VWA7: variants seen among roughly 807,000 people sequenced by gnomAD.
VWA7 encodes von Willebrand factor A domain-containing protein 7.
A neutral mutation model predicts 83.1 loss-of-function variants in VWA7; 66 were observed. The observed-to-expected ratio is 0.79, with a 90% CI of 0.65 to 0.98. The LOEUF is 0.98. Ranked by LOEUF, VWA7 falls within the 50% of genes least tolerant of loss-of-function variation. The pLI is 0.00. For missense variants in VWA7, 1,080 were observed against 1,160.2 expected, an observed-to-expected ratio of 0.93 and a Z score of 1.00; for synonymous variants, 424 against 488.5, an observed-to-expected ratio of 0.87 and a Z score of 1.74.
rs1292696246 is a variant in VWA7 at position 31,776,328 on chromosome 6, G to T, written c.235-86C>A. ...CTTATCTCAGCAACTGACACTCAAG[G>T]CTGGGTATGAGGGTCCTGAGCCCCA... On this transcript the variant is annotated intron_variant, in intron 2 of 16. Transcript: ENST00000375688. The surrounding 1 kb of genome is among the most constrained non-coding windows in gnomAD (Gnocchi z 6.2). 2.0e-5 allele frequency: 31 copies of T among 1,532,744 alleles called. No individual in the cohort carries two copies. The highest frequency in any genetic ancestry group is 2.6e-5 in the Non-Finnish European group (29 of 1,135,780). 94.9% of individuals were successfully genotyped at this position (1,532,744 alleles called of 1,614,324 possible). A position where few individuals can be genotyped will look rare whatever the true frequency, so the allele number is the denominator to read the frequency against.
intron 7 of VWA7, among the ~76,000 whole-genome samples, chr6:31,771,990 C>CAAAAAAAAAAAAAAAAAAAAAAAAAAA (rs34193146): frequency 9.5e-5 from 4 of 41,936 alleles, no homozygotes; most frequent in Non-Finnish European, 2.1e-4. Flanking sequence ...GACTCCGTCT[C>CAAAAAAAAAAAAAAAAAAAAAAAAAAA]AAAAAAAAAA....
In VWA7 at chr6:31,767,300, G is replaced by A. The variant is rs746219640; in HGVS notation, c.1790-50C>T. On this transcript the variant is annotated intron_variant, in intron 12 of 16. Transcript: ENST00000375688. The stretch of plus-strand genomic sequence containing the variant: ...AGCCCTTCCTGAAAGGAATGTGACT[G>A]ATCGTGTTCTCTGAGGCCTGCAGTC... 2.5e-6 allele frequency: 4 copies of A among 1,612,668 alleles called. No homozygotes were observed. The Admixed American group carries it at 5.0e-5, about 20-fold the overall frequency.
At chr6:31,774,316 A>G (rs1314617164) in intron 5 of VWA7, among the ~76,000 whole-genome samples, 200 bp downstream of exon 5, 2 of 152,066 alleles carry the variant, frequency 1.3e-5, no homozygotes, top group African/African-American at 4.8e-5. Flanking sequence ...GAGAAATCCT[A>G]TCAGCGGAGG....
At position 31,766,032 on chromosome 6, in the gene VWA7, C is replaced by T. The variant is rs1261244265; in HGVS notation, c.2350G>A (p.Ala784Thr). ...SRAHLELNES[A>T]WGRLWLEVPD... Reference sequence around the variant, plus strand: ...ACCTCCAGCCACAGGCGGCCCCAGGCCGACTCATTCAGTTCCAGGTGAGCC... The same window carrying T: ...ACCTCCAGCCACAGGCGGCCCCAGGTCGACTCATTCAGTTCCAGGTGAGCC... Residue 784 changes from alanine (A) to threonine (T), a missense_variant, in exon 16 of 17, where the codon GCC becomes ACC. Coordinates refer to ENST00000375688, the MANE Select transcript of VWA7 (RefSeq NM_025258.3). The surrounding 1 kb of genome is among the most constrained non-coding windows in gnomAD (Gnocchi z 4.9). 1 of 1,613,042 alleles carries T rather than the reference C, an allele frequency of 6.2e-7. No individual in the cohort carries two copies. Among genetic ancestry groups the T allele is most frequent in the South Asian group, 1.1e-5 (1 of 91,088 alleles).
chr6:31,769,873 A>G lies in VWA7; in HGVS notation c.1201-82T>C. 1.3e-6 allele frequency: 2 copies of G among 1,503,734 alleles called. No homozygotes were observed. Among genetic ancestry groups the G allele is most frequent in the Non-Finnish European group, 1.8e-6 (2 of 1,082,258 alleles). The allele number at this position is 1,503,734 out of a possible 1,614,324, so 93.1% of individuals were successfully genotyped here. On this transcript the variant is annotated intron_variant, in intron 8 of 16. Coordinates refer to ENST00000375688, the MANE Select transcript of VWA7 (RefSeq NM_025258.3). The surrounding 1 kb of genome is among the most constrained non-coding windows in gnomAD (Gnocchi z 4.5). ...AGCCACGGAGGATGAAGCAGAAGGG[A>G]ATATGGCCCGGGAACCCTACAGTGA...
In VWA7 at chr6:31,769,353, T is replaced by A; in HGVS notation, c.1318-150A>T. On this transcript the variant is annotated intron_variant, in intron 9 of 16. Transcript: ENST00000375688. The surrounding 1 kb of genome is among the most constrained non-coding windows in gnomAD (Gnocchi z 4.5). ...TGGCTGCTGGGGTGGGGAATCCCAA[T>A]GACAGAACCCCCTGCCTTCAGTTAG... The A allele has an allele frequency of 2.0e-6, 2 of 1,004,984 alleles. No individual in the cohort carries two copies. Among genetic ancestry groups the A allele is most frequent in the Non-Finnish European group, 2.8e-6 (2 of 702,762 alleles). 62.3% of individuals were successfully genotyped at this position (1,004,984 alleles called of 1,614,324 possible).
Position 31,776,728 on chromosome 6 carries a change from G to T in VWA7, c.52C>A (p.Leu18Met). Residue 18 changes from leucine (L) to methionine (M), a missense_variant, in exon 2 of 17, where the codon CTG becomes ATG. Leu to Met is a conservative substitution (Grantham distance 15). Transcript: ENST00000375688. The surrounding 1 kb of genome is among the most constrained non-coding windows in gnomAD (Gnocchi z 6.2). ...GTGGGGGGCAGCAACAGCTGCAGCAGAAGCAACGCTGAGGGGCCCGGGTGG... is the reference window on the plus strand; with the variant it reads ...GTGGGGGGCAGCAACAGCTGCAGCATAAGCAACGCTGAGGGGCCCGGGTGG... Reference protein sequence around the residue: ...QSHPGPSALLLLQLLLPPTSA... With the variant: ...QSHPGPSALLMLQLLLPPTSA... The T allele has an allele frequency of 6.7e-7, 1 of 1,484,006 alleles. No individual in the cohort carries two copies. Among genetic ancestry groups the T allele is most frequent in the South Asian group, 1.3e-5 (1 of 75,076 alleles). 91.9% of individuals were successfully genotyped at this position (1,484,006 alleles called of 1,614,324 possible).
chr6:31,777,324 T>G lies in VWA7; in HGVS notation c.-231A>C. On this transcript the variant is annotated 5_prime_UTR_variant, in exon 1 of 17. Transcript: ENST00000375688. This position sits in a 1 kb window ranked among gnomAD's most constrained non-coding sequence, Gnocchi z 5.8. ...GCCTCCCTTGGCTGCAGTGCGGAGGTGAGTGAGAGCTGGGGAGGAGGAAGG... is the reference window on the plus strand; with the variant it reads ...GCCTCCCTTGGCTGCAGTGCGGAGGGGAGTGAGAGCTGGGGAGGAGGAAGG... The G allele has an allele frequency of 1.8e-6, 1 of 550,874 alleles. No individual in the cohort carries two copies. Among genetic ancestry groups the G allele is most frequent in the Non-Finnish European group, 3.2e-6 (1 of 309,316 alleles). 34.1% of individuals were successfully genotyped at this position (550,874 alleles called of 1,614,324 possible).
At chr6:31,767,110 A>G in intron 13 of VWA7, 48 bp downstream of exon 13, 1 of 451,584 alleles carries the variant, frequency 2.2e-6, no homozygotes, top group Non-Finnish European at 3.9e-6. Context: ...TTATATATAT[A>G]TATAAAACTG....
intron 7 of VWA7, among the ~76,000 whole-genome samples, 167 bp downstream of exon 7, chr6:31,772,787 C>T (rs1422419611): frequency 6.6e-6 from 1 of 151,274 alleles, no homozygotes; most frequent in Non-Finnish European, 1.5e-5. Context: ...TTAGTAGAGA[C>T]GGGGTTTCTC....
chr6:31,774,154 C>G (rs1434022576), intron 5 of VWA7, among the ~76,000 whole-genome samples: 2 of 61,858 alleles, frequency 3.2e-5, no homozygotes, highest in South Asian at 1.1e-3. Flanking sequence ...AACTCCATCT[C>G]AAAAAAAAAA....
chr6:31,768,139 C>CAAAAAAAAAAAA (rs9279412), intron 10 of VWA7, among the ~76,000 whole-genome samples: 1 of 77,104 alleles, frequency 1.3e-5, no homozygotes, highest in Non-Finnish European at 2.4e-5. Flanking sequence ...GACTCTGTCT[C>CAAAAAAAAAAAA]AAAAAAAAAA....
At position 31,767,154 on chromosome 6, in the gene VWA7, G is replaced by A. The variant is rs746030362; in HGVS notation, c.1882+4C>T. 2.0e-6 allele frequency: 3 copies of A among 1,472,430 alleles called. No individual in the cohort carries two copies. Among genetic ancestry groups the A allele is most frequent in the East Asian group, 2.6e-5 (1 of 38,022 alleles). The allele number at this position is 1,472,430 out of a possible 1,614,324, so 91.2% of individuals were successfully genotyped here. A position where few individuals can be genotyped will look rare whatever the true frequency, so the allele number is the denominator to read the frequency against. ...GTGGGTGGGGGCTCAGGGAATAAAT[G>A]TACCTGCAACTGGCTGAGTCAGGGG... is the stretch of plus-strand genomic sequence containing the variant. On this transcript the variant is annotated splice_donor_region_variant and intron_variant, in intron 13 of 16. Transcript: ENST00000375688.
chr6:31,767,139 G>A lies in VWA7; in HGVS notation c.1882+19C>T, dbSNP rs781587368. 5.6e-6 allele frequency: 7 copies of A among 1,245,704 alleles called. No individual in the cohort carries two copies. In the East Asian group the frequency reaches 1.7e-4, roughly 30 times the overall value. 77.2% of individuals were successfully genotyped at this position (1,245,704 alleles called of 1,614,324 possible). ...AAAACTGGGGGTTAGGTGGGTGGGGGCTCAGGGAATAAATGTACCTGCAAC... is the reference window on the plus strand; with the variant it reads ...AAAACTGGGGGTTAGGTGGGTGGGGACTCAGGGAATAAATGTACCTGCAAC... On this transcript the variant is annotated intron_variant, in intron 13 of 16. Transcript: ENST00000375688.
In VWA7 at chr6:31,773,631, G is replaced by T. The variant is rs1289561363; in HGVS notation, c.722-194C>A. 6.6e-6 allele frequency among the ~76,000 whole-genome samples: 1 copy of T among 152,230 alleles called. No individual in the cohort carries two copies. Among genetic ancestry groups the T allele is most frequent in the African/African-American group, 2.4e-5 (1 of 41,468 alleles). On this transcript the variant is annotated intron_variant, in intron 5 of 16. Transcript: ENST00000375688. This position sits in a 1 kb window ranked among gnomAD's most constrained non-coding sequence, Gnocchi z 5.3. ...GGAGGCCGAGGCCGGCAGATCATCTGAGATCAGGAGTTCAAGACCAGCCTG... is the reference window on the plus strand; with the variant it reads ...GGAGGCCGAGGCCGGCAGATCATCTTAGATCAGGAGTTCAAGACCAGCCTG...
chr6:31,765,610 C>G lies in VWA7; in HGVS notation c.2660G>C (p.Gly887Ala). 6.2e-7 allele frequency: 1 copy of G among 1,611,076 alleles called. No homozygotes were observed. Among genetic ancestry groups the G allele is most frequent in the Non-Finnish European group, 8.5e-7 (1 of 1,179,438 alleles). ...GTVGGVLLLLGLASW is the reference protein window; with the variant it reads ...GTVGGVLLLLALASW ...CCCGTTGTGTCACCAGGAGGCCAGG[C>G]CTAGCAGAAGCAGCACCCCTCCAAC... The change falls in exon 17 of 17, where the codon GGC (glycine) becomes GCC (alanine). Residue 887 changes from glycine (G) to alanine (A), a missense_variant. Physicochemically the swap from Gly to Ala is moderately conservative, Grantham distance 60 (BLOSUM62 0). Transcript: ENST00000375688.
In VWA7 at chr6:31,769,538, T is replaced by C; in HGVS notation, c.1317+137A>G. The C allele has an allele frequency of 2.5e-6, 2 of 791,096 alleles. No individual in the cohort carries two copies. The highest frequency in any genetic ancestry group is 3.1e-5 in the South Asian group (2 of 64,086). The allele number at this position is 791,096 out of a possible 1,614,324, so 49.0% of individuals were successfully genotyped here. A position where few individuals can be genotyped will look rare whatever the true frequency, so the allele number is the denominator to read the frequency against. ...AAGGTATCAGGAAATGTTCCACTCA[T>C]TGTCTGCTTCTCCCACCATATACCA... On this transcript the variant is annotated intron_variant, in intron 9 of 16. Transcript: ENST00000375688. This position sits in a 1 kb window ranked among gnomAD's most constrained non-coding sequence, Gnocchi z 4.5.
Position 31,776,320 on chromosome 6 carries a change from C to A in VWA7, c.235-78G>T. The A allele has an allele frequency of 6.5e-7, 1 of 1,546,778 alleles. No homozygotes were observed. The highest frequency in any genetic ancestry group is 8.7e-7 in the Non-Finnish European group (1 of 1,145,496). On this transcript the variant is annotated intron_variant, in intron 2 of 16. Transcript: ENST00000375688. The surrounding 1 kb of genome is among the most constrained non-coding windows in gnomAD (Gnocchi z 6.2). ...TTGCCCACCTTATCTCAGCAACTGA[C>A]ACTCAAGGCTGGGTATGAGGGTCCT...
Position 31,769,248 on chromosome 6 carries a change from T to C in VWA7, c.1318-45A>G. On this transcript the variant is annotated intron_variant, in intron 9 of 16. Coordinates refer to ENST00000375688, the MANE Select transcript of VWA7 (RefSeq NM_025258.3). This position sits in a 1 kb window ranked among gnomAD's most constrained non-coding sequence, Gnocchi z 4.5. Reference sequence around the variant, plus strand: ...CAGTGATTGGGGTGTCCAAGTGCCATCCACTATTATGAATGAGAATCCCTG... The same window carrying C: ...CAGTGATTGGGGTGTCCAAGTGCCACCCACTATTATGAATGAGAATCCCTG... 1 of 1,580,916 alleles carries C rather than the reference T, an allele frequency of 6.3e-7. No individual in the cohort carries two copies. Among genetic ancestry groups the C allele is most frequent in the South Asian group, 1.1e-5 (1 of 88,682 alleles).
Sources: allele counts gnomAD v4.1 joint callset (sites outside exome capture counted in the v4.1 genomes callset), GRCh38; gene constraint gnomAD v4.1.1; non-coding constraint Gnocchi (gnomAD v3.1); transcripts MANE v1.5; gene names NCBI Gene and HGNC (gene_info 2026-07-23, HGNC 2026-07-21).